Variants in PTPRG observed in about 807,000 individuals in gnomAD.
The protein encoded by PTPRG is protein tyrosine phosphatase receptor type G.
In PTPRG, 102 loss-of-function variants were observed where a neutral mutation model predicts 165.3. The observed-to-expected ratio is 0.62, with a 90% confidence interval of 0.53 to 0.73. The LOEUF is 0.73. Ranked by LOEUF, PTPRG falls within the 30% of genes least tolerant of loss-of-function variation. The probability of loss-of-function intolerance (pLI) is 0.00; values close to 1 mark genes in which losing one functional copy is unlikely to be tolerated. For synonymous variants in PTPRG, 675 were observed against 669.5 expected, an observed-to-expected ratio of 1.01 and a Z score of -0.13; for missense variants, 1,866 against 1,861.4, an observed-to-expected ratio of 1.00 and a Z score of -0.05.
intron 28 of PTPRG, among the ~76,000 whole-genome samples, chr3:62,289,909 A>G (rs981506227): frequency 6.6e-6 from 1 of 152,120 alleles, no homozygotes; most frequent in African/African-American, 2.4e-5. Context: ...CAGAAGATAG[A>G]AGAAGCGTAA....
chr3:61,940,824 C>T (rs957158519), intron 2 of PTPRG, among the ~76,000 whole-genome samples: 23 of 151,982 alleles, frequency 1.5e-4, no homozygotes, highest in African/African-American at 4.6e-4. Context: ...CCACCATGCC[C>T]GGCTAATTTT....
chr3:61,800,373 G>T (rs2035194536), intron 2 of PTPRG, among the ~76,000 whole-genome samples: 1 of 151,996 alleles, frequency 6.6e-6, no homozygotes, highest in Non-Finnish European at 1.5e-5. Context: ...CTGAGCACTA[G>T]TAGAGGATAA....
chr3:61,676,471 A>AAAAAAAAAAAAAAAAAAAAGAAAG lies in PTPRG; in HGVS notation c.86-72404_86-72403insAAAAAAAAAAAAAAAAGAAAGAAA, dbSNP rs369505317. 4.0e-5 allele frequency among the ~76,000 whole-genome samples: 4 copies of AAAAAAAAAAAAAAAAAAAAGAAAG among 99,020 alleles called. No individual in the cohort carries two copies. The East Asian group carries it at 1.5e-3, about 37-fold the overall frequency. 65.0% of individuals were successfully genotyped at this position (99,020 alleles called of 152,430 possible). ...GACTCCATCTCAAAAAAAAAAAAAA[A>AAAAAAAAAAAAAAAAAAAAGAAAG]AAAGAAAATTACTAAAGTCTGTGAA... is the stretch of plus-strand genomic sequence containing the variant. On this transcript the variant is annotated intron_variant, in intron 1 of 29. Coordinates refer to ENST00000474889, the MANE Select transcript of PTPRG (RefSeq NM_002841.4).
chr3:62,099,922 C>G (rs573894614), intron 5 of PTPRG, among the ~76,000 whole-genome samples: 1 of 151,528 alleles, frequency 6.6e-6, no homozygotes, highest in South Asian at 2.1e-4. Context: ...CCTCAGCCTC[C>G]GGAGTAGCTG....
At chr3:62,056,162 AC>A (rs756373076) in intron 4 of PTPRG, among the ~76,000 whole-genome samples, 1 of 152,216 alleles carries the variant, frequency 6.6e-6, no homozygotes, top group Admixed American at 6.5e-5. Flanking sequence ...CAGGATATGA[AC>A]ATCCCATCCA....
chr3:62,022,836 A>G (rs1160812396), intron 4 of PTPRG, among the ~76,000 whole-genome samples: 1 of 152,174 alleles, frequency 6.6e-6, no homozygotes, highest in Non-Finnish European at 1.5e-5. Flanking sequence ...TAGAACTACT[A>G]TTTCTACAAA....
chr3:61,804,969 T>G (rs372711100), intron 2 of PTPRG, among the ~76,000 whole-genome samples: 151 of 152,310 alleles, frequency 9.9e-4, no homozygotes, highest in Middle Eastern at 3.4e-3. Context: ...GACAGATCCT[T>G]TAAGATGAAG....
chr3:61,937,333 C>T (rs887632876), intron 2 of PTPRG, among the ~76,000 whole-genome samples: 4 of 152,116 alleles, frequency 2.6e-5, no homozygotes, highest in African/African-American at 4.8e-5. Context: ...TCACTGCTGT[C>T]GCAAAGTGTC....
intron 3 of PTPRG, among the ~76,000 whole-genome samples, chr3:61,995,264 T>G (rs2041002228): frequency 6.6e-6 from 1 of 151,836 alleles, no homozygotes; most frequent in Non-Finnish European, 1.5e-5. Context: ...CATTTTTGTA[T>G]TTTTAGTAGA....
At chr3:62,085,991 T>A (rs1391341641) in intron 5 of PTPRG, among the ~76,000 whole-genome samples, 1 of 152,210 alleles carries the variant, frequency 6.6e-6, no homozygotes, top group Non-Finnish European at 1.5e-5. Flanking sequence ...GTCAGGCAGA[T>A]AAAATCTCAA....
chr3:61,902,304 C>A (rs1368301968), intron 2 of PTPRG, among the ~76,000 whole-genome samples: 6 of 152,182 alleles, frequency 3.9e-5, no homozygotes, highest in African/African-American at 1.2e-4. Flanking sequence ...CTGAGAGCTA[C>A]TTTCCATTGT....
chr3:61,593,027 T>G (rs1301054106), intron 1 of PTPRG, among the ~76,000 whole-genome samples: 1 of 152,218 alleles, frequency 6.6e-6, no homozygotes, highest in African/African-American at 2.4e-5. Context: ...GGTATCATGC[T>G]CTGGTCAGCA....
At chr3:61,579,906 G>A (rs1700247631) in intron 1 of PTPRG, among the ~76,000 whole-genome samples, 1 of 152,120 alleles carries the variant, frequency 6.6e-6, no homozygotes, top group Admixed American at 6.6e-5. Context: ...AACTGTGTGG[G>A]TCCACTTATA....
chr3:62,223,252 G>C (rs1289781230), intron 13 of PTPRG, among the ~76,000 whole-genome samples: 1 of 152,154 alleles, frequency 6.6e-6, no homozygotes, highest in African/African-American at 2.4e-5. Context: ...AAACACTACT[G>C]TGTCTAGAGA....
chr3:62,065,325 T>G (rs1360452142), intron 4 of PTPRG, among the ~76,000 whole-genome samples: 1 of 152,148 alleles, frequency 6.6e-6, no homozygotes, highest in Non-Finnish European at 1.5e-5. Flanking sequence ...TCCAGGGAAG[T>G]CCATGGTTGT....
intron 2 of PTPRG, chr3:61,753,750 C>G (rs2033538891): frequency 1.1e-5 from 4 of 351,182 alleles, no homozygotes; most frequent in Non-Finnish European, 2.2e-5. Flanking sequence ...TGCACAATCA[C>G]ACTCCCAGCT....
chr3:61,731,842 C>T (rs566560313), intron 1 of PTPRG, among the ~76,000 whole-genome samples: 1 of 151,750 alleles, frequency 6.6e-6, no homozygotes, highest in African/African-American at 2.4e-5. Context: ...GGCCCTGTCA[C>T]CCAGGCTAGA....
At chr3:62,091,197 T>A in intron 5 of PTPRG, among the ~76,000 whole-genome samples, 1 of 152,176 alleles carries the variant, frequency 6.6e-6, no homozygotes, top group South Asian at 2.1e-4. Context: ...AATATACACA[T>A]CCTCCTGGCC....
intron 12 of PTPRG, among the ~76,000 whole-genome samples, chr3:62,208,312 A>G (rs550143770): frequency 6.6e-6 from 1 of 152,200 alleles, no homozygotes; most frequent in Non-Finnish European, 1.5e-5. Context: ...AACTGATGCA[A>G]TGAAATGTTC....
Sources: gnomAD v4.1 joint callset for allele counts (sites outside exome capture counted in the v4.1 genomes callset) on GRCh38, gnomAD v4.1.1 for gene constraint, MANE v1.5 for transcripts, NCBI Gene and HGNC (gene_info 2026-07-23, HGNC 2026-07-21) for gene names.